Variants in CFAP58 observed in about 807,000 individuals in gnomAD.
The protein encoded by CFAP58 is cilia and flagella associated protein 58.
Under a neutral mutation model 119.5 loss-of-function variants are expected in CFAP58, and 88 were observed. The observed-to-expected ratio is 0.74, with a 90% confidence interval of 0.62 to 0.88. The LOEUF is 0.88. Ranked by LOEUF, CFAP58 falls within the 40% of genes least tolerant of loss-of-function variation. The probability of loss-of-function intolerance (pLI) is 0.00; values close to 1 mark genes in which losing one functional copy is unlikely to be tolerated. For missense variants in CFAP58, 990 were observed against 1,021.2 expected (o/e 0.97, Z 0.42); for synonymous variants, 365 against 366.3 (o/e 1.00, Z 0.04).
At chr10:104,451,747 T>G (rs906683579) in intron 17 of CFAP58, among the ~76,000 whole-genome samples, 1 of 152,144 alleles carries the variant, frequency 6.6e-6, no homozygotes, top group Non-Finnish European at 1.5e-5. Context: ...AGTAAAACTC[T>G]TTTTTTGAGA....
intron 15 of CFAP58, among the ~76,000 whole-genome samples, chr10:104,440,146 C>T (rs2013013985): frequency 6.8e-6 from 1 of 148,030 alleles, no homozygotes; most frequent in South Asian, 2.3e-4. Flanking sequence ...TTAAACAACT[C>T]CTCTTCTTCC....
At chr10:104,378,836 T>C (rs1258084597) in intron 8 of CFAP58, among the ~76,000 whole-genome samples, 2 of 152,070 alleles carry the variant, frequency 1.3e-5, no homozygotes, top group Admixed American at 6.6e-5. Flanking sequence ...CACTGCTACT[T>C]ACTCTGTGTT....
intron 16 of CFAP58, 25 bp downstream of exon 16, chr10:104,447,842 C>T (rs541159432): frequency 2.7e-5 from 43 of 1,581,550 alleles, no homozygotes; most frequent in East Asian, 2.3e-4. Flanking sequence ...CTGTTCCTTC[C>T]GGGTTCCAGG....
At position 104,432,728 on chromosome 10, in the gene CFAP58, C is replaced by T. The variant is rs138922164; in HGVS notation, c.2257-14970C>T. On this transcript the variant is annotated intron_variant, in intron 15 of 17. Coordinates refer to ENST00000369704, the MANE Select transcript of CFAP58 (RefSeq NM_001008723.2). ...ATGTTGGCCAGGATGGTCTCTATCT[C>T]CTGACCTTGTGATCTGCCTGCCTTG... 5.6e-3 allele frequency among the ~76,000 whole-genome samples: 849 copies of T among 152,290 alleles called. 14 individuals are homozygous for T. The East Asian group carries it at 0.069, about 12-fold the overall frequency.
chr10:104,357,909 ACACACATATATG>A lies in CFAP58; in HGVS notation c.10-431_10-420del, dbSNP rs1352762284. The stretch of plus-strand genomic sequence containing the variant: ...TATATAAACATATATGTACACATAT[ACACACATATATG>A]TACACATATACACACATATATGTAC... On this transcript the variant is annotated intron_variant, in intron 1 of 17. Transcript: ENST00000369704. 4.6e-3 allele frequency among the ~76,000 whole-genome samples: 497 copies of A among 108,002 alleles called. 23 individuals carry two copies. The highest frequency in any genetic ancestry group is 0.027 in the African/African-American group (479 of 17,730). 70.9% of individuals were successfully genotyped at this position (108,002 alleles called of 152,430 possible).
intron 12 of CFAP58, among the ~76,000 whole-genome samples, chr10:104,399,895 C>T (rs989149091): frequency 6.6e-6 from 1 of 152,092 alleles, no homozygotes; most frequent in African/African-American, 2.4e-5. Flanking sequence ...GCACATTACC[C>T]ATCCAACATG....
At position 104,450,716 on chromosome 10, in the gene CFAP58, AT is replaced by A. The variant is rs3069012; in HGVS notation, c.2510+521del. ...TTATTTATTTATTTATTTATTTTTG[AT>A]TTTTTTTTGTAGCAACAGGGTCTTG... is the stretch of plus-strand genomic sequence containing the variant. On this transcript the variant is annotated intron_variant, in intron 17 of 17. Coordinates refer to ENST00000369704, the MANE Select transcript of CFAP58 (RefSeq NM_001008723.2). Among the ~76,000 whole-genome samples, 114 of 118,762 alleles carry A rather than the reference AT, an allele frequency of 9.6e-4. 1 individual carries two copies. Among genetic ancestry groups the A allele is most frequent in the African/African-American group, 3.1e-3 (106 of 34,222 alleles). The allele number at this position is 118,762 out of a possible 152,430, so 77.9% of individuals were successfully genotyped here. A position where few individuals can be genotyped will look rare whatever the true frequency, so the allele number is the denominator to read the frequency against.
Position 104,366,275 on chromosome 10 carries a change from G to A in CFAP58, c.792+267G>A, listed in dbSNP as rs569576847. Among the ~76,000 whole-genome samples the A allele has an allele frequency of 2.0e-5, 3 of 152,144 alleles. No homozygotes were observed. In the East Asian group the frequency reaches 5.8e-4, roughly 29 times the overall value. On this transcript the variant is annotated intron_variant, in intron 5 of 17. Transcript: ENST00000369704. ...ATCTATACTACACATATAGACAAGTGTATATGTCACAAGTGGACAGCTTGA... is the reference window on the plus strand; with the variant it reads ...ATCTATACTACACATATAGACAAGTATATATGTCACAAGTGGACAGCTTGA...
chr10:104,424,688 C>T (rs950369112), intron 15 of CFAP58, among the ~76,000 whole-genome samples: 39 of 152,242 alleles, frequency 2.6e-4, no homozygotes, highest in Non-Finnish European at 2.6e-4. Flanking sequence ...CACAATGACA[C>T]CTAAACACGA....
intron 15 of CFAP58, among the ~76,000 whole-genome samples, chr10:104,427,296 CAGTT>C (rs1394882198): frequency 6.6e-6 from 1 of 152,066 alleles, no homozygotes; most frequent in Non-Finnish European, 1.5e-5. Context: ...TTTATAAAAC[CAGTT>C]CCAAGAATGT....
At chr10:104,365,260 A>T (rs1346305788) in intron 4 of CFAP58, among the ~76,000 whole-genome samples, 1 of 152,132 alleles carries the variant, frequency 6.6e-6, no homozygotes, top group Non-Finnish European at 1.5e-5. Flanking sequence ...CATTTAGCAG[A>T]CTTCTTCTGA....
intron 17 of CFAP58, 151 bp from the exon 18 acceptor site, chr10:104,454,271 A>G: frequency 1.4e-6 from 1 of 698,020 alleles, no homozygotes; most frequent in Non-Finnish European, 2.6e-6. Flanking sequence ...TTTTCAGTGA[A>G]CACCTAATTA....
intron 15 of CFAP58, among the ~76,000 whole-genome samples, chr10:104,407,582 C>T (rs1311643901): frequency 6.6e-6 from 1 of 152,012 alleles, no homozygotes; most frequent in Non-Finnish European, 1.5e-5. Flanking sequence ...AATAACAGAA[C>T]CTGTGAAAAT....
the CFAP58 span, among the ~76,000 whole-genome samples, chr10:104,341,536 A>T: frequency 6.6e-6 from 1 of 151,794 alleles, no homozygotes; most frequent in South Asian, 2.1e-4. Flanking sequence ...TTAGTCATTT[A>T]CATATAAAAA....
At chr10:104,367,809 C>A (rs988477605) in intron 5 of CFAP58, among the ~76,000 whole-genome samples, 2 of 152,158 alleles carry the variant, frequency 1.3e-5, no homozygotes, top group African/African-American at 4.8e-5. Context: ...AGATATAATC[C>A]TTTGTTTTTA....
In CFAP58 at chr10:104,404,887, A is replaced by G. The variant is rs577859630; in HGVS notation, c.2151+1047A>G. Among the ~76,000 whole-genome samples, 3 of 152,288 alleles carry G rather than the reference A, an allele frequency of 2.0e-5. No individual in the cohort carries two copies. In the East Asian group the frequency reaches 5.8e-4, roughly 29 times the overall value. On this transcript the variant is annotated intron_variant, in intron 14 of 17. Coordinates refer to ENST00000369704, the MANE Select transcript of CFAP58 (RefSeq NM_001008723.2). ...GCTGGGATTACAGGCGTGAGCCACC[A>G]CGCCCAGGCTTTGTTTTTCATTTTA...
In CFAP58 at chr10:104,368,503, C is replaced by T; in HGVS notation, c.873C>T (p.His291=). The stretch of plus-strand genomic sequence containing the variant: ...AACTTCAGCAAGAGAATGAACAGCA[C>T]AGTTTGGTCTGTGAGCAGCTATCCC... The part of the protein sequence containing the change: ...NAKLQQENEQ[H]SLVCEQLSQE... Residue 291 remains histidine, a synonymous_variant, in exon 6 of 18, where the codon CAC becomes CAT. Coordinates refer to ENST00000369704, the MANE Select transcript of CFAP58 (RefSeq NM_001008723.2). The T allele has an allele frequency of 3.7e-6, 6 of 1,614,006 alleles. No homozygotes were observed. The highest frequency in any genetic ancestry group is 5.1e-6 in the Non-Finnish European group (6 of 1,179,920).
At chr10:104,366,885 T>C (rs921705186) in intron 5 of CFAP58, among the ~76,000 whole-genome samples, 4 of 152,066 alleles carry the variant, frequency 2.6e-5, no homozygotes, top group African/African-American at 9.7e-5. Flanking sequence ...TTTTATTTTT[T>C]TTGAGATGGA....
At chr10:104,439,077 A>G (rs997416165) in intron 15 of CFAP58, among the ~76,000 whole-genome samples, 14 of 152,242 alleles carry the variant, frequency 9.2e-5, no homozygotes, top group African/African-American at 3.4e-4. Flanking sequence ...CAGATATGTG[A>G]TAAAACTATA....
Sources: allele counts gnomAD v4.1 joint callset (sites outside exome capture counted in the v4.1 genomes callset), GRCh38; gene constraint gnomAD v4.1.1; transcripts MANE v1.5; gene names NCBI Gene and HGNC (gene_info 2026-07-23, HGNC 2026-07-21).